Variants in LIMD1 observed in about 807,000 individuals in gnomAD.
LIMD1 encodes LIM domain-containing protein 1.
A neutral mutation model predicts 58.4 loss-of-function variants in LIMD1; 23 were observed. The ratio of observed to expected loss-of-function variants is 0.39; its 90% CI spans 0.28 to 0.56. The LOEUF (loss-of-function observed/expected upper bound fraction) is 0.56. Ranked by LOEUF, LIMD1 falls within the 20% of genes least tolerant of loss-of-function variation. LIMD1 has a pLI of 0.57. For synonymous variants in LIMD1, 334 were observed against 345.5 expected, an observed-to-expected ratio of 0.97 and a Z score of 0.37; for missense variants, 838 against 855.5, an observed-to-expected ratio of 0.98 and a Z score of 0.25.
At chr3:45,619,082 G>A (rs533445472) in intron 1 of LIMD1, among the ~76,000 whole-genome samples, 1 of 152,286 alleles carries the variant, frequency 6.6e-6, no homozygotes, top group Non-Finnish European at 1.5e-5. Flanking sequence ...TGAGGTAATG[G>A]TTTTGGAAAT....
rs1430585139 is a variant in LIMD1 at position 45,685,174 on chromosome 3, A to C, written c.*8115A>C. On this transcript the variant is annotated 3_prime_UTR_variant, in exon 8 of 8. Transcript: ENST00000273317. Reference sequence around the variant, plus strand: ...TTTACTATAGGAAAAACTTGGCTACAGATATGAATTTATATTACCCATCAT... The same window carrying C: ...TTTACTATAGGAAAAACTTGGCTACCGATATGAATTTATATTACCCATCAT... 1.3e-5 allele frequency: 2 copies of C among 152,214 alleles called. No individual in the cohort carries two copies. The highest frequency in any genetic ancestry group is 2.9e-5 in the Non-Finnish European group (2 of 68,038). The allele number at this position is 152,214 out of a possible 1,614,324, so 9.4% of individuals were successfully genotyped here. A position where few individuals can be genotyped will look rare whatever the true frequency, so the allele number is the denominator to read the frequency against.
Position 45,594,818 on chromosome 3 carries a change from C to G in LIMD1, c.-62C>G. ...ACACACACACACACACACACACACA[C>G]ACACACACACACACACACACACACA... On this transcript the variant is annotated 5_prime_UTR_variant, in exon 1 of 8. Coordinates refer to ENST00000273317, the MANE Select transcript of LIMD1 (RefSeq NM_014240.3). The G allele has an allele frequency of 1.2e-6, 1 of 868,968 alleles. No individual in the cohort carries two copies. The highest frequency in any genetic ancestry group is 1.7e-5 in the South Asian group (1 of 60,120). The allele number at this position is 868,968 out of a possible 1,614,324, so 53.8% of individuals were successfully genotyped here.
chr3:45,631,808 G>C (rs765521198), intron 1 of LIMD1, among the ~76,000 whole-genome samples: 1 of 152,214 alleles, frequency 6.6e-6, no homozygotes, highest in Non-Finnish European at 1.5e-5. Flanking sequence ...CTTATGAACA[G>C]GGGTAGGAGA....
rs952666161 is a variant in LIMD1 at position 45,673,899 on chromosome 3, C to A, written c.1824+394C>A. On this transcript the variant is annotated intron_variant, in intron 6 of 7. Transcript: ENST00000273317. ...AGACCTTGTCTCCAAAAAAAAAAAA[C>A]CAAAAAAAACCCCACTTCACCTTTG... is the stretch of plus-strand genomic sequence containing the variant. The A allele has an allele frequency of 1.4e-3, 344 of 249,212 alleles. 1 individual carries two copies. The highest frequency in any genetic ancestry group is 6.6e-3 in the African/African-American group (291 of 44,416). The allele number at this position is 249,212 out of a possible 1,614,324, so 15.4% of individuals were successfully genotyped here.
intron 1 of LIMD1, among the ~76,000 whole-genome samples, chr3:45,596,798 A>G (rs1288422765): frequency 6.7e-6 from 1 of 150,296 alleles, no homozygotes; most frequent in Non-Finnish European, 1.5e-5. Context: ...CTGTGTGTAG[A>G]TGGGTACTTA....
In LIMD1 at chr3:45,684,526, A is replaced by T. The variant is rs1319945279; in HGVS notation, c.*7467A>T. The T allele has an allele frequency of 6.6e-6, 1 of 152,208 alleles. No individual in the cohort carries two copies. The allele number at this position is 152,208 out of a possible 1,614,324, so 9.4% of individuals were successfully genotyped here. A position where few individuals can be genotyped will look rare whatever the true frequency, so the allele number is the denominator to read the frequency against. On this transcript the variant is annotated 3_prime_UTR_variant, in exon 8 of 8. Coordinates refer to ENST00000273317, the MANE Select transcript of LIMD1 (RefSeq NM_014240.3). ...AGCAGAAAGTTTAACAGGCAGAAAA[A>T]AGAGAACAGCTCCCCCATGCAGAGG...
chr3:45,642,269 G>A (rs1265802156), intron 2 of LIMD1, among the ~76,000 whole-genome samples: 2 of 151,838 alleles, frequency 1.3e-5, no homozygotes, highest in African/African-American at 4.8e-5. Flanking sequence ...TTGAACTCCT[G>A]GGCTCAGGCG....
chr3:45,635,995 A>G, intron 1 of LIMD1, 155 bp from the exon 2 acceptor site: 1 of 985,222 alleles, frequency 1.0e-6, no homozygotes, highest in Non-Finnish European at 1.2e-6. Context: ...ACAGAGGGAG[A>G]GGGAGAGAAA....
Position 45,645,609 on chromosome 3 carries a change from G to A in LIMD1, c.1510+9358G>A, listed in dbSNP as rs535355792. ...TCCAGTACGCCAGGAGCATCACACC[G>A]TAATTAGCAGGAAGATGTTGCACCG... is the stretch of plus-strand genomic sequence containing the variant. On this transcript the variant is annotated intron_variant, in intron 2 of 7. Coordinates refer to ENST00000273317, the MANE Select transcript of LIMD1 (RefSeq NM_014240.3). Among the ~76,000 whole-genome samples, 16 of 152,290 alleles carry A rather than the reference G, an allele frequency of 1.1e-4. No homozygotes were observed. In the South Asian group the frequency reaches 2.3e-3, roughly 22 times the overall value.
chr3:45,655,855 T>C (rs1702022311), intron 2 of LIMD1, among the ~76,000 whole-genome samples: 1 of 152,204 alleles, frequency 6.6e-6, no homozygotes, highest in Admixed American at 6.5e-5. Flanking sequence ...GAAATTTGCC[T>C]CTTCAAGGGA....
chr3:45,677,364 C>A lies in LIMD1; in HGVS notation c.*305C>A, dbSNP rs1697685365. 5 of 270,040 alleles carry A rather than the reference C, an allele frequency of 1.9e-5. No individual in the cohort carries two copies. The South Asian group carries it at 3.1e-4, about 17-fold the overall frequency. 16.7% of individuals were successfully genotyped at this position (270,040 alleles called of 1,614,324 possible). ...TAGCACCAAAGGAATCCTCCTGTCC[C>A]CTCTGGGAACATTTCATGCTTCAGA... On this transcript the variant is annotated 3_prime_UTR_variant, in exon 8 of 8. Transcript: ENST00000273317.
At chr3:45,628,403 C>A (rs930684506) in intron 1 of LIMD1, among the ~76,000 whole-genome samples, 2 of 152,210 alleles carry the variant, frequency 1.3e-5, no homozygotes, top group Non-Finnish European at 2.9e-5. Context: ...AAAAGATGCT[C>A]ACACACAACA....
chr3:45,621,289 G>A (rs1701626306), intron 1 of LIMD1, among the ~76,000 whole-genome samples: 1 of 151,906 alleles, frequency 6.6e-6, no homozygotes, highest in Non-Finnish European at 1.5e-5. Context: ...GACTGCAGTG[G>A]TGTGACCATG....
intron 1 of LIMD1, among the ~76,000 whole-genome samples, chr3:45,603,076 G>C (rs1190880484): frequency 6.6e-6 from 1 of 152,068 alleles, no homozygotes; most frequent in Non-Finnish European, 1.5e-5. Context: ...CCTGACCTCA[G>C]GTGATCTGCC....
chr3:45,651,635 G>GT (rs1193051870), intron 2 of LIMD1, among the ~76,000 whole-genome samples: 45 of 150,518 alleles, frequency 3.0e-4, no homozygotes, highest in Admixed American at 6.7e-4. Context: ...AGATCAGATG[G>GT]TTATTTTTTT....
At chr3:45,653,500 T>C (rs1451559936) in intron 2 of LIMD1, among the ~76,000 whole-genome samples, 1 of 152,166 alleles carries the variant, frequency 6.6e-6, no homozygotes, top group Non-Finnish European at 1.5e-5. Context: ...TTTGCCCCTT[T>C]CTGCTGTGCT....
At chr3:45,653,581 A>G (rs1226278105) in intron 2 of LIMD1, among the ~76,000 whole-genome samples, 1 of 152,188 alleles carries the variant, frequency 6.6e-6, no homozygotes, top group Non-Finnish European at 1.5e-5. Flanking sequence ...AGCCAAACCA[A>G]ATTGATTTGT....
chr3:45,600,988 C>T (rs1701406669), intron 1 of LIMD1, among the ~76,000 whole-genome samples: 1 of 152,166 alleles, frequency 6.6e-6, no homozygotes, highest in Non-Finnish European at 1.5e-5. Flanking sequence ...TGCTTGAGCC[C>T]AGGAGGCTGA....
intron 2 of LIMD1, among the ~76,000 whole-genome samples, chr3:45,652,325 A>T (rs1416300570): frequency 2.0e-5 from 3 of 152,174 alleles, no homozygotes; most frequent in African/African-American, 7.2e-5. Flanking sequence ...AACATTTCCA[A>T]CATATTGAAT....
Sources: gnomAD v4.1 joint callset for allele counts (sites outside exome capture counted in the v4.1 genomes callset) on GRCh38, gnomAD v4.1.1 for gene constraint, MANE v1.5 for transcripts, NCBI Gene and HGNC (gene_info 2026-07-23, HGNC 2026-07-21) for gene names.